FAM107B: variants seen among roughly 807,000 people sequenced by gnomAD.
FAM107B encodes the protein family with sequence similarity 107 member B.
A neutral mutation model predicts 31.5 loss-of-function variants in FAM107B; 21 were observed. The ratio of observed to expected loss-of-function variants is 0.67; its 90% confidence interval spans 0.47 to 0.96. The LOEUF (loss-of-function observed/expected upper bound fraction) is 0.96, where lower values mean the gene tolerates loss of function less well. Ranked by LOEUF, FAM107B falls within the 40% of genes least tolerant of loss-of-function variation. FAM107B has a pLI of 0.00. For missense variants in FAM107B, 452 were observed against 377.1 expected, an observed-to-expected ratio of 1.20 and a Z score of -1.64; for synonymous variants, 157 against 141.5, an observed-to-expected ratio of 1.11 and a Z score of -0.78.
chr10:14,703,373 G>C (rs1855447945), intron 1 of FAM107B, among the ~76,000 whole-genome samples: 1 of 148,332 alleles, frequency 6.7e-6, no homozygotes. Context: ...CTGTCCCCCA[G>C]GCTGGAGGGC....
chr10:14,646,019 C>T (rs1480760179), intron 2 of FAM107B, among the ~76,000 whole-genome samples: 1 of 152,134 alleles, frequency 6.6e-6, no homozygotes, highest in Admixed American at 6.5e-5. Context: ...CTCCAGTTGA[C>T]CACTCTGCAA....
intron 2 of FAM107B, among the ~76,000 whole-genome samples, chr10:14,574,482 G>A (rs930308146): frequency 5.9e-5 from 9 of 152,212 alleles, no homozygotes; most frequent in African/African-American, 2.2e-4. Flanking sequence ...CCAATCAGGA[G>A]CTTCCACCGT....
chr10:14,525,483 C>T (rs533101665), intron 3 of FAM107B, among the ~76,000 whole-genome samples: 28 of 152,294 alleles, frequency 1.8e-4, no homozygotes, highest in African/African-American at 5.5e-4. Context: ...TTAAACGAAT[C>T]GAGGAGCACC....
At chr10:14,667,763 T>C (rs1400326454) in intron 1 of FAM107B, 72 bp from the exon 2 acceptor site, 12 of 1,497,368 alleles carry the variant, frequency 8.0e-6, no homozygotes, top group South Asian at 1.1e-5. Context: ...GGCAATACTT[T>C]TTGCAAGCCT....
intron 1 of FAM107B, among the ~76,000 whole-genome samples, chr10:14,767,989 G>A (rs577651882): frequency 3.3e-5 from 5 of 152,124 alleles, no homozygotes; most frequent in African/African-American, 1.2e-4. Context: ...AAAATCAGTT[G>A]CATTTCTATA....
chr10:14,639,877 C>T (rs1246830858), intron 2 of FAM107B, among the ~76,000 whole-genome samples: 2 of 152,208 alleles, frequency 1.3e-5, no homozygotes, highest in African/African-American at 2.4e-5. Context: ...TGCTACTACC[C>T]GGAGTGACCT....
At position 14,722,525 on chromosome 10, in the gene FAM107B, C is replaced by G. The variant is rs75343166; in HGVS notation, c.411+51728G>C. Reference sequence around the variant, plus strand: ...TTATTTATTACAGCCATCCTAATGGCTGTAAAGTTGTACTCTCTGCTGTTT... The same window carrying G: ...TTATTTATTACAGCCATCCTAATGGGTGTAAAGTTGTACTCTCTGCTGTTT... On this transcript the variant is annotated intron_variant, in intron 1 of 4. Coordinates refer to ENST00000181796, the MANE Select transcript of FAM107B (RefSeq NM_031453.4). Among the ~76,000 whole-genome samples, 525 of 152,278 alleles carry G rather than the reference C, an allele frequency of 3.4e-3. 12 individuals are homozygous for G. The East Asian group carries it at 0.046, about 13-fold the overall frequency.
intron 2 of FAM107B, among the ~76,000 whole-genome samples, chr10:14,658,493 T>G (rs1854132253): frequency 6.6e-6 from 1 of 152,216 alleles, no homozygotes; most frequent in South Asian, 2.1e-4. Flanking sequence ...AACAACAGTT[T>G]TTACATCAAA....
chr10:14,689,643 T>A (rs1351370858), intron 1 of FAM107B, among the ~76,000 whole-genome samples: 1 of 151,998 alleles, frequency 6.6e-6, no homozygotes, highest in Non-Finnish European at 1.5e-5. Flanking sequence ...CTGACAATAT[T>A]TTTCGCTTTT....
chr10:14,619,593 C>T (rs990853587), intron 2 of FAM107B, among the ~76,000 whole-genome samples: 1 of 151,080 alleles, frequency 6.6e-6, no homozygotes, highest in Non-Finnish European at 1.5e-5. Context: ...ATTTCCTCCC[C>T]ATCTATGACT....
chr10:14,532,250 T>C (rs1847101188), intron 2 of FAM107B, among the ~76,000 whole-genome samples: 1 of 152,082 alleles, frequency 6.6e-6, no homozygotes, highest in South Asian at 2.1e-4. Context: ...TGTCACCTTC[T>C]CAGAGAGGCC....
At chr10:14,569,323 C>T (rs759929109) in intron 2 of FAM107B, among the ~76,000 whole-genome samples, 7 of 152,008 alleles carry the variant, frequency 4.6e-5, no homozygotes, top group African/African-American at 7.3e-5. Flanking sequence ...AAGGAAGATT[C>T]GAGTTATCCT....
chr10:14,537,054 A>G (rs1396246709), intron 2 of FAM107B, among the ~76,000 whole-genome samples: 1 of 152,158 alleles, frequency 6.6e-6, no homozygotes, highest in Admixed American at 6.5e-5. Flanking sequence ...ATCTGCCTAC[A>G]CTACAGCAAC....
intron 1 of FAM107B, 79 bp from the exon 2 acceptor site, chr10:14,667,770 G>T: frequency 6.9e-7 from 1 of 1,452,614 alleles, no homozygotes; most frequent in South Asian, 1.2e-5. Flanking sequence ...CTTTTTGCAA[G>T]CCTACTAATT....
At chr10:14,535,508 T>A (rs1262320473) in intron 2 of FAM107B, among the ~76,000 whole-genome samples, 1 of 152,246 alleles carries the variant, frequency 6.6e-6, no homozygotes, top group Non-Finnish European at 1.5e-5. Context: ...TTCAGTTGAA[T>A]GACCCACAGA....
At chr10:14,590,756 C>T (rs941920602) in intron 2 of FAM107B, among the ~76,000 whole-genome samples, 4 of 151,046 alleles carry the variant, frequency 2.6e-5, no homozygotes, top group Admixed American at 1.3e-4. Context: ...GTGAGGCAGG[C>T]GGATCACCCA....
At chr10:14,721,118 GTT>G (rs1855901947) in intron 1 of FAM107B, among the ~76,000 whole-genome samples, 1 of 152,042 alleles carries the variant, frequency 6.6e-6, no homozygotes, top group Non-Finnish European at 1.5e-5. Context: ...CCTTGTAATA[GTT>G]TGCTGAGAAT....
intron 3 of FAM107B, among the ~76,000 whole-genome samples, chr10:14,524,336 C>T (rs1259824023): frequency 6.6e-6 from 1 of 152,134 alleles, no homozygotes; most frequent in Non-Finnish European, 1.5e-5. Flanking sequence ...AGCAACCACA[C>T]CCAGCTAGTA....
At chr10:14,691,993 A>C (rs1014893466) in intron 1 of FAM107B, among the ~76,000 whole-genome samples, 6 of 151,874 alleles carry the variant, frequency 4.0e-5, no homozygotes, top group African/African-American at 9.7e-5. Flanking sequence ...TCACTGCATC[A>C]TCTCTCCTAG....
Sources: gnomAD v4.1 joint callset for allele counts (sites outside exome capture counted in the v4.1 genomes callset) on GRCh38, gnomAD v4.1.1 for gene constraint, MANE v1.5 for transcripts, NCBI Gene and HGNC (gene_info 2026-07-23, HGNC 2026-07-21) for gene names.